WARS2: variants seen among roughly 807,000 people sequenced by gnomAD.
WARS2 encodes tryptophan--tRNA ligase, mitochondrial.
In WARS2, 28 loss-of-function variants were observed where a neutral mutation model predicts 36.5. The observed-to-expected ratio is 0.77, with a 90% CI of 0.57 to 1.05. The LOEUF is 1.05. Ranked by LOEUF, WARS2 falls within the 50% of genes least tolerant of loss-of-function variation. The pLI is 0.00. For synonymous variants in WARS2, 174 were observed against 178.4 expected (o/e 0.98, Z 0.20); for missense variants, 435 against 456.8 (o/e 0.95, Z 0.44).
At chr1:119,102,552 C>T (rs2101463674) in intron 1 of WARS2, among the ~76,000 whole-genome samples, 1 of 152,132 alleles carries the variant, frequency 6.6e-6, no homozygotes, top group Admixed American at 6.5e-5. Flanking sequence ...ATGTTTTTTC[C>T]ATCTTTAATC....
intron 2 of WARS2, among the ~76,000 whole-genome samples, chr1:119,065,439 C>T (rs1405376624): frequency 2.0e-5 from 3 of 151,636 alleles, no homozygotes; most frequent in Non-Finnish European, 2.9e-5. Context: ...TGAGACTAGC[C>T]TGGCCAACAT....
intron 4 of WARS2, among the ~76,000 whole-genome samples, chr1:119,037,468 C>T (rs1047724568): frequency 3.3e-5 from 5 of 152,106 alleles, no homozygotes; most frequent in South Asian, 4.1e-4. Context: ...TTAACCAGCC[C>T]GGCTGGGACA....
At chr1:119,116,766 TTA>T (rs1362948567) in intron 1 of WARS2, among the ~76,000 whole-genome samples, 1 of 152,190 alleles carries the variant, frequency 6.6e-6, no homozygotes, top group Non-Finnish European at 1.5e-5. Context: ...ATTCCTCGCG[TTA>T]TCTCACAGAG....
chr1:119,138,744 T>C (rs1316849101), intron 1 of WARS2, among the ~76,000 whole-genome samples: 1 of 152,198 alleles, frequency 6.6e-6, no homozygotes, highest in Non-Finnish European at 1.5e-5. Flanking sequence ...TGTAGATTTA[T>C]ACTTTAAAAA....
intron 1 of WARS2, among the ~76,000 whole-genome samples, chr1:119,116,103 C>T (rs972560355): frequency 1.3e-5 from 2 of 152,194 alleles, no homozygotes; most frequent in African/African-American, 4.8e-5. Flanking sequence ...GTCTGCTTCA[C>T]TCTCCCAGAC....
At chr1:119,033,417 C>A in intron 5 of WARS2, 58 bp from the exon 6 acceptor site, 2 of 1,594,966 alleles carry the variant, frequency 1.3e-6, no homozygotes, top group South Asian at 1.1e-5. Context: ...AAACAGATCA[C>A]CAAGATGTAC....
intron 4 of WARS2, among the ~76,000 whole-genome samples, chr1:119,037,181 G>T (rs1647955983): frequency 6.6e-6 from 1 of 151,410 alleles, no homozygotes; most frequent in African/African-American, 2.4e-5. Context: ...TGCTTTCTTA[G>T]ACACAACATA....
At chr1:119,055,098 G>A (rs889829481) in intron 2 of WARS2, among the ~76,000 whole-genome samples, 6 of 152,188 alleles carry the variant, frequency 3.9e-5, no homozygotes, top group Middle Eastern at 3.4e-3. Flanking sequence ...TAGATGAAAC[G>A]TATTTCTCAA....
intron 1 of WARS2, chr1:119,085,825 G>A (rs1238576641): frequency 6.2e-7 from 1 of 1,610,102 alleles, no homozygotes; most frequent in Admixed American, 1.7e-5. Flanking sequence ...AGCTCATAAG[G>A]AAGCCCTCCC....
intron 2 of WARS2, among the ~76,000 whole-genome samples, chr1:119,046,286 T>G (rs901936711): frequency 2.1e-4 from 2 of 9,472 alleles, no homozygotes; most frequent in African/African-American, 4.2e-4. Flanking sequence ...TCCTTTTCTG[T>G]TTTTTTTTTT....
At chr1:119,081,218 C>T (rs1225584592) in intron 1 of WARS2, among the ~76,000 whole-genome samples, 1 of 152,132 alleles carries the variant, frequency 6.6e-6, no homozygotes, top group East Asian at 1.9e-4. Flanking sequence ...TGTGTAATTT[C>T]CTTAATTTTC....
intron 2 of WARS2, among the ~76,000 whole-genome samples, chr1:119,053,415 G>A (rs887878649): frequency 6.6e-6 from 1 of 152,012 alleles, no homozygotes; most frequent in Non-Finnish European, 1.5e-5. Context: ...ATGAATAACT[G>A]GGAACAATAA....
In WARS2 at chr1:119,032,701, G is replaced by C; in HGVS notation, c.*210C>G. On this transcript the variant is annotated 3_prime_UTR_variant, in exon 6 of 6. Transcript: ENST00000235521. ...GCTATGCCTTCTTGATTTATTTTTT[G>C]TTGTTGTTGTTCACAGCATTTTGTT... 1 of 558,508 alleles carries C rather than the reference G, an allele frequency of 1.8e-6. No homozygotes were observed. Among genetic ancestry groups the C allele is most frequent in the Non-Finnish European group, 3.1e-6 (1 of 322,318 alleles). The allele number at this position is 558,508 out of a possible 1,614,324, so 34.6% of individuals were successfully genotyped here.
chr1:119,079,275 T>C (rs1167141764), intron 1 of WARS2, among the ~76,000 whole-genome samples: 1 of 152,158 alleles, frequency 6.6e-6, no homozygotes, highest in African/African-American at 2.4e-5. Context: ...ATAACATTGA[T>C]TTTTAAAAAT....
At chr1:119,138,741 T>G (rs1317581185) in intron 1 of WARS2, among the ~76,000 whole-genome samples, 1 of 152,120 alleles carries the variant, frequency 6.6e-6, no homozygotes, top group Non-Finnish European at 1.5e-5. Flanking sequence ...ATATGTAGAT[T>G]TATACTTTAA....
chr1:119,055,041 ATG>A (rs1649657375), intron 2 of WARS2, among the ~76,000 whole-genome samples: 1 of 152,362 alleles, frequency 6.6e-6, no homozygotes, highest in Non-Finnish European at 1.5e-5. Flanking sequence ...GATAAATTTA[ATG>A]TGTTTTACAA....
intron 2 of WARS2, among the ~76,000 whole-genome samples, chr1:119,076,100 T>C (rs2101316064): frequency 6.6e-6 from 1 of 152,194 alleles, no homozygotes; most frequent in South Asian, 2.1e-4. Flanking sequence ...GAAACACAAT[T>C]CTTGGTATAT....
intron 1 of WARS2, among the ~76,000 whole-genome samples, chr1:119,084,746 C>T (rs185333255): frequency 7.2e-4 from 110 of 152,194 alleles, no homozygotes; most frequent in Non-Finnish European, 1.1e-3. Context: ...ATTGGTTCTA[C>T]GGGTTCAAGA....
At chr1:119,076,101 C>G (rs1651705225) in intron 2 of WARS2, among the ~76,000 whole-genome samples, 1 of 152,174 alleles carries the variant, frequency 6.6e-6, no homozygotes, top group Non-Finnish European at 1.5e-5. Flanking sequence ...AAACACAATT[C>G]TTGGTATATG....
Sources: gnomAD v4.1 joint callset for allele counts (sites outside exome capture counted in the v4.1 genomes callset) on GRCh38, gnomAD v4.1.1 for gene constraint, MANE v1.5 for transcripts, NCBI Gene and HGNC (gene_info 2026-07-23, HGNC 2026-07-21) for gene names.